Variants in LRMDA observed in about 807,000 individuals in gnomAD.
The protein encoded by LRMDA is leucine rich melanocyte differentiation associated, also known as leucine-rich melanocyte differentiation-associated protein.
A neutral mutation model predicts 29.8 loss-of-function variants in LRMDA; 18 were observed. The observed-to-expected ratio is 0.60, with a 90% CI of 0.42 to 0.90. The LOEUF is 0.90. Among genes scored for constraint, LRMDA ranks in the 40% least tolerant of loss-of-function variants. The probability of loss-of-function intolerance (pLI) is 0.00; values close to 1 mark genes in which losing one functional copy is unlikely to be tolerated. For missense variants in LRMDA, 273 were observed against 273.9 expected (o/e 1.00, Z 0.02); for synonymous variants, 125 against 109.4 (o/e 1.14, Z -0.89).
chr10:76,367,272 TG>T (rs1379067823), intron 6 of LRMDA, among the ~76,000 whole-genome samples: 2 of 152,202 alleles, frequency 1.3e-5, no homozygotes, highest in African/African-American at 4.8e-5. Flanking sequence ...ATTCATAGAA[TG>T]AATTTGAGAG....
chr10:75,615,185 A>G lies in LRMDA; in HGVS notation c.131+176691A>G, dbSNP rs111257941. On this transcript the variant is annotated intron_variant, in intron 2 of 6. Coordinates refer to ENST00000611255, the MANE Select transcript of LRMDA (RefSeq NM_001305581.2). ...CTCAATGACAAATCATAACTGAGTC[A>G]TTATGTGTGATATCTGACTGCTCAA... Among the ~76,000 whole-genome samples the G allele has an allele frequency of 2.6e-4, 40 of 152,334 alleles. 1 individual carries two copies. The highest frequency in any genetic ancestry group is 4.1e-4 in the African/African-American group (17 of 41,586).
chr10:75,842,191 A>C (rs1037798274), intron 2 of LRMDA, among the ~76,000 whole-genome samples: 1 of 152,268 alleles, frequency 6.6e-6, no homozygotes, highest in African/African-American at 2.4e-5. Context: ...GAGAAAAATC[A>C]GAAGAATACT....
chr10:75,880,057 T>C (rs1379251916), intron 2 of LRMDA, among the ~76,000 whole-genome samples: 1 of 152,242 alleles, frequency 6.6e-6, no homozygotes, highest in African/African-American at 2.4e-5. Context: ...AATTTTATAA[T>C]GTTTTAAAAA....
At chr10:75,612,359 A>G in intron 2 of LRMDA, among the ~76,000 whole-genome samples, 1 of 151,850 alleles carries the variant, frequency 6.6e-6, no homozygotes, top group Non-Finnish European at 1.5e-5. Context: ...ATATTCTTAT[A>G]AATCTCTCTG....
At chr10:76,527,693 A>G (rs754393020) in intron 6 of LRMDA, among the ~76,000 whole-genome samples, 22 of 152,224 alleles carry the variant, frequency 1.4e-4, no homozygotes, top group Non-Finnish European at 2.8e-4. Flanking sequence ...TGTGTGATGC[A>G]TAGAAAAAGC....
intron 2 of LRMDA, among the ~76,000 whole-genome samples, chr10:75,507,357 G>A (rs1466443179): frequency 6.6e-6 from 1 of 152,148 alleles, no homozygotes; most frequent in Non-Finnish European, 1.5e-5. Flanking sequence ...ATGCCTCCTG[G>A]CTGCTTTTGT....
At chr10:76,185,758 C>T (rs1851136979) in intron 5 of LRMDA, among the ~76,000 whole-genome samples, 1 of 152,046 alleles carries the variant, frequency 6.6e-6, no homozygotes, top group Non-Finnish European at 1.5e-5. Context: ...AGCTATGTTT[C>T]CAATTAATTT....
chr10:75,764,635 G>T (rs1433990992), intron 2 of LRMDA, among the ~76,000 whole-genome samples: 1 of 152,120 alleles, frequency 6.6e-6, no homozygotes, highest in African/African-American at 2.4e-5. Flanking sequence ...CAAAGGCAGG[G>T]CATCAGTAAT....
intron 6 of LRMDA, among the ~76,000 whole-genome samples, chr10:76,384,057 C>T (rs900796812): frequency 6.6e-6 from 1 of 151,976 alleles, no homozygotes; most frequent in African/African-American, 2.4e-5. Context: ...TAGTAAACTC[C>T]CAAAGAGCAT....
intron 2 of LRMDA, among the ~76,000 whole-genome samples, chr10:75,533,919 G>C (rs1226422759): frequency 2.6e-5 from 4 of 152,184 alleles, no homozygotes; most frequent in African/African-American, 9.7e-5. Flanking sequence ...AACATATGAG[G>C]ACTCTATATT....
chr10:76,451,004 A>G (rs1191193445), intron 6 of LRMDA, among the ~76,000 whole-genome samples: 1 of 152,170 alleles, frequency 6.6e-6, no homozygotes, highest in African/African-American at 2.4e-5. Context: ...TGTAGAATCC[A>G]TAGTGGCAGA....
chr10:76,537,368 T>C (rs904482906), intron 6 of LRMDA, among the ~76,000 whole-genome samples: 3 of 152,210 alleles, frequency 2.0e-5, no homozygotes, highest in Non-Finnish European at 4.4e-5. Context: ...TACAGATCCC[T>C]CCAATTCAAA....
intron 2 of LRMDA, among the ~76,000 whole-genome samples, chr10:75,964,484 T>G (rs1465005754): frequency 6.6e-6 from 1 of 152,258 alleles, no homozygotes; most frequent in African/African-American, 2.4e-5. Flanking sequence ...GAGGCCAGGC[T>G]CTGTTGGCAT....
intron 2 of LRMDA, among the ~76,000 whole-genome samples, chr10:75,714,334 G>A (rs1842472493): frequency 6.6e-6 from 1 of 152,184 alleles, no homozygotes; most frequent in African/African-American, 2.4e-5. Context: ...CAGATGAAAG[G>A]CTGTGGCAGC....
chr10:75,713,188 C>T (rs928906094), intron 2 of LRMDA, among the ~76,000 whole-genome samples: 1 of 152,064 alleles, frequency 6.6e-6, no homozygotes, highest in Non-Finnish European at 1.5e-5. Context: ...TGTGTTCTAA[C>T]CCAAACCCCA....
intron 2 of LRMDA, among the ~76,000 whole-genome samples, chr10:76,033,985 A>G (rs1247237436): frequency 6.6e-6 from 1 of 151,652 alleles, no homozygotes; most frequent in Non-Finnish European, 1.5e-5. Context: ...AAGGAAAAGA[A>G]AAAAAAAACA....
intron 2 of LRMDA, among the ~76,000 whole-genome samples, chr10:75,772,869 T>TGCGG (rs1843261430): frequency 2.0e-5 from 1 of 49,792 alleles, no homozygotes; most frequent in Non-Finnish European, 4.4e-5. Context: ...GGGGGTGGGA[T>TGCGG]GGGGGGGGGC....
intron 2 of LRMDA, among the ~76,000 whole-genome samples, chr10:75,551,755 T>A (rs1337656059): frequency 6.6e-6 from 1 of 151,972 alleles, no homozygotes; most frequent in East Asian, 1.9e-4. Flanking sequence ...TAAGAAAAAA[T>A]TTGCTGGGCA....
At chr10:75,529,328 A>G (rs1845449358) in intron 2 of LRMDA, among the ~76,000 whole-genome samples, 1 of 152,240 alleles carries the variant, frequency 6.6e-6, no homozygotes, top group Non-Finnish European at 1.5e-5. Flanking sequence ...GAATTCTGAA[A>G]GGAAAAGTTC....
Sources: allele counts gnomAD v4.1 joint callset (sites outside exome capture counted in the v4.1 genomes callset), GRCh38; gene constraint gnomAD v4.1.1; transcripts MANE v1.5; gene names NCBI Gene and HGNC (gene_info 2026-07-23, HGNC 2026-07-21).